CNTN4: variants seen among roughly 807,000 people sequenced by gnomAD.
CNTN4 encodes the protein contactin-4.
Under a neutral mutation model 122.5 loss-of-function variants are expected in CNTN4, and 77 were observed. The ratio of observed to expected loss-of-function variants is 0.63; its 90% confidence interval spans 0.52 to 0.76. The LOEUF (loss-of-function observed/expected upper bound fraction) is 0.76, where lower values mean the gene tolerates loss of function less well. CNTN4 is among the 30% of genes least tolerant of loss of function. CNTN4 has a pLI of 0.00. For synonymous variants in CNTN4, 512 were observed against 447.0 expected, an observed-to-expected ratio of 1.15 and a Z score of -1.83; for missense variants, 1,256 against 1,259.1, an observed-to-expected ratio of 1.00 and a Z score of 0.04.
At chr3:2,287,376 C>A (rs749353445) in intron 2 of CNTN4, among the ~76,000 whole-genome samples, 2 of 151,822 alleles carry the variant, frequency 1.3e-5, no homozygotes, top group Non-Finnish European at 2.9e-5. Flanking sequence ...CCGAGGTGGG[C>A]AGAATGCTTG....
chr3:2,983,649 T>G (rs1694270532), intron 13 of CNTN4, among the ~76,000 whole-genome samples: 1 of 152,242 alleles, frequency 6.6e-6, no homozygotes. Context: ...TTATCCCATT[T>G]TTACAAACAA....
chr3:2,852,844 G>C (rs1374115507), intron 7 of CNTN4, among the ~76,000 whole-genome samples: 2 of 152,196 alleles, frequency 1.3e-5, no homozygotes, highest in Non-Finnish European at 2.9e-5. Flanking sequence ...CCCATAAAGA[G>C]CTGTAATCAT....
intron 4 of CNTN4, among the ~76,000 whole-genome samples, chr3:2,602,808 C>T (rs1242890507): frequency 6.6e-6 from 1 of 152,208 alleles, no homozygotes; most frequent in Non-Finnish European, 1.5e-5. Context: ...AACTAAAGTA[C>T]AGGTTGTCTT....
intron 8 of CNTN4, among the ~76,000 whole-genome samples, chr3:2,877,930 T>C (rs1330318596): frequency 6.6e-6 from 1 of 152,204 alleles, no homozygotes. Flanking sequence ...TAACAACATA[T>C]CCTGTGCTAG....
At chr3:2,703,190 CAGG>C (rs2086455241) in intron 4 of CNTN4, among the ~76,000 whole-genome samples, 1 of 152,144 alleles carries the variant, frequency 6.6e-6, no homozygotes, top group African/African-American at 2.4e-5. Context: ...AAGAGCAGAG[CAGG>C]AGTAGTCTCC....
intron 4 of CNTN4, among the ~76,000 whole-genome samples, chr3:2,575,183 A>C (rs1476576209): frequency 2.6e-5 from 4 of 152,096 alleles, no homozygotes; most frequent in African/African-American, 7.2e-5. Flanking sequence ...GTATCCCCAA[A>C]ATATGTACAT....
chr3:2,961,693 A>G (rs2094861397), intron 13 of CNTN4, among the ~76,000 whole-genome samples: 1 of 144,386 alleles, frequency 6.9e-6, no homozygotes, highest in East Asian at 2.3e-4. Flanking sequence ...ACACTGCTTA[A>G]TGGCTAGGGA....
At chr3:3,052,413 C>T (rs1379090558) in intron 23 of CNTN4, among the ~76,000 whole-genome samples, 10 of 152,262 alleles carry the variant, frequency 6.6e-5, no homozygotes, top group South Asian at 6.2e-4. Context: ...CCTGCCCCTC[C>T]CACCCTGTTG....
At chr3:2,545,257 T>A (rs913096261) in intron 3 of CNTN4, among the ~76,000 whole-genome samples, 2 of 152,130 alleles carry the variant, frequency 1.3e-5, no homozygotes, top group Non-Finnish European at 2.9e-5. Flanking sequence ...TTTTTGCATT[T>A]GCCTGAGGAT....
chr3:2,600,374 C>T (rs995364182), intron 4 of CNTN4, among the ~76,000 whole-genome samples: 10 of 152,140 alleles, frequency 6.6e-5, no homozygotes, highest in African/African-American at 1.9e-4. Flanking sequence ...CAACAGGCCC[C>T]GGTGTGTGAT....
At chr3:2,387,759 T>C (rs182529008) in intron 3 of CNTN4, among the ~76,000 whole-genome samples, 21 of 152,278 alleles carry the variant, frequency 1.4e-4, no homozygotes, top group African/African-American at 4.6e-4. Flanking sequence ...GAGACACTGG[T>C]TTTAAGGGAT....
At chr3:2,800,426 T>A (rs2092319694) in intron 6 of CNTN4, among the ~76,000 whole-genome samples, 1 of 152,226 alleles carries the variant, frequency 6.6e-6, no homozygotes, top group Non-Finnish European at 1.5e-5. Context: ...CACAGCATTT[T>A]GTTTACATAC....
At chr3:2,205,973 A>G (rs988379597) in intron 2 of CNTN4, among the ~76,000 whole-genome samples, 2 of 152,148 alleles carry the variant, frequency 1.3e-5, no homozygotes, top group African/African-American at 4.8e-5. Flanking sequence ...CATTTAAAGT[A>G]GGAAGGTGGC....
chr3:2,949,539 G>A (rs1325958745), intron 13 of CNTN4, among the ~76,000 whole-genome samples: 3 of 152,108 alleles, frequency 2.0e-5, no homozygotes, highest in African/African-American at 7.2e-5. Flanking sequence ...GAAGGCACAG[G>A]CTAAGCCAAT....
chr3:2,644,150 A>G (rs1039309566), intron 4 of CNTN4, among the ~76,000 whole-genome samples: 1 of 152,104 alleles, frequency 6.6e-6, no homozygotes, highest in Admixed American at 6.5e-5. Context: ...TCTTCCTTAA[A>G]TAACCAGGTA....
At chr3:2,895,981 C>A (rs899532221) in intron 10 of CNTN4, among the ~76,000 whole-genome samples, 3 of 152,054 alleles carry the variant, frequency 2.0e-5, no homozygotes, top group Non-Finnish European at 4.4e-5. Flanking sequence ...TGCAGCGAGC[C>A]AAGATGGCGC....
intron 12 of CNTN4, among the ~76,000 whole-genome samples, chr3:2,920,821 C>A (rs926147480): frequency 6.6e-6 from 1 of 152,004 alleles, no homozygotes. Flanking sequence ...TAATAACGCC[C>A]AAAGGAATAG....
chr3:2,239,634 C>G (rs567371057), intron 2 of CNTN4, among the ~76,000 whole-genome samples: 1 of 152,002 alleles, frequency 6.6e-6, no homozygotes, highest in Non-Finnish European at 1.5e-5. Flanking sequence ...TTTCGTAATT[C>G]AAAAAGTTGA....
At chr3:2,457,777 C>T (rs916039651) in intron 3 of CNTN4, among the ~76,000 whole-genome samples, 2 of 152,080 alleles carry the variant, frequency 1.3e-5, no homozygotes, top group Non-Finnish European at 2.9e-5. Context: ...CTGTGTAATT[C>T]ATTAAGCATG....
Sources: gnomAD v4.1 joint callset for allele counts (sites outside exome capture counted in the v4.1 genomes callset) on GRCh38, gnomAD v4.1.1 for gene constraint, MANE v1.5 for transcripts, NCBI Gene and HGNC (gene_info 2026-07-23, HGNC 2026-07-21) for gene names.